DUSP4: variants seen among roughly 807,000 people sequenced by gnomAD.
DUSP4 encodes dual specificity phosphatase 4, also known as dual specificity protein phosphatase 4.
DUSP4 carries 12 observed loss-of-function variants against 27.2 expected under a neutral mutation model. The ratio of observed to expected loss-of-function variants is 0.44; its 90% CI spans 0.28 to 0.71. The LOEUF (loss-of-function observed/expected upper bound fraction) is 0.71. Ranked by LOEUF, DUSP4 falls within the 30% of genes least tolerant of loss-of-function variation. The probability of loss-of-function intolerance (pLI) is 0.14; values close to 1 mark genes in which losing one functional copy is unlikely to be tolerated. For synonymous variants in DUSP4, 257 were observed against 245.2 expected, an observed-to-expected ratio of 1.05 and a Z score of -0.45; for missense variants, 448 against 551.3, an observed-to-expected ratio of 0.81 and a Z score of 1.88.
At position 29,349,874 on chromosome 8, in the gene DUSP4, G is replaced by A. The variant is rs781516642; in HGVS notation, c.405C>T (p.Ala135=). ...SLVVQALRRN[A]ERTDICLLKG... Reference sequence around the variant, plus strand: ...TGAGCAGGCAGATGTCGGTGCGCTCGGCGTTGCGGCGCAGCGCCTGCACCA... The same window carrying A: ...TGAGCAGGCAGATGTCGGTGCGCTCAGCGTTGCGGCGCAGCGCCTGCACCA... The change falls in exon 1 of 4, where the codon GCC becomes GCT. Residue 135 remains alanine (A), a synonymous_variant. Transcript: ENST00000240100. 6.0e-6 allele frequency: 9 copies of A among 1,510,040 alleles called. No individual in the cohort carries two copies. The highest frequency in any genetic ancestry group is 7.0e-6 in the Non-Finnish European group (8 of 1,135,522). The allele number at this position is 1,510,040 out of a possible 1,614,324, so 93.5% of individuals were successfully genotyped here. A position where few individuals can be genotyped will look rare whatever the true frequency, so the allele number is the denominator to read the frequency against.
Position 29,334,618 on chromosome 8 carries a change from A to G in DUSP4, c.*2408T>C, listed in dbSNP as rs567533322. 1 of 152,350 alleles carries G rather than the reference A, an allele frequency of 6.6e-6. No homozygotes were observed. Among genetic ancestry groups the G allele is most frequent in the Non-Finnish European group, 1.5e-5 (1 of 68,052 alleles). 9.4% of individuals were successfully genotyped at this position (152,350 alleles called of 1,614,324 possible). ...AGCAAACGTGTACTCGTTCTATAAAAATGGAATCTGTTCTGCAGGTTACCG... is the reference window on the plus strand; with the variant it reads ...AGCAAACGTGTACTCGTTCTATAAAGATGGAATCTGTTCTGCAGGTTACCG... On this transcript the variant is annotated 3_prime_UTR_variant, in exon 4 of 4. Transcript: ENST00000240100.
intron 1 of DUSP4, chr8:29,348,873 G>A (rs1022261349): frequency 9.3e-6 from 8 of 859,066 alleles, no homozygotes; most frequent in South Asian, 5.3e-5. Context: ...GCGGGAGGCG[G>A]AGGCGCAGCG....
Position 29,346,143 on chromosome 8 carries a change from C to G in DUSP4, c.433+3703G>C, listed in dbSNP as rs144245092. 4.4e-6 allele frequency: 4 copies of G among 913,756 alleles called. No individual in the cohort carries two copies. In the East Asian group the frequency reaches 3.6e-4, roughly 81 times the overall value. The allele number at this position is 913,756 out of a possible 1,614,324, so 56.6% of individuals were successfully genotyped here. A position where few individuals can be genotyped will look rare whatever the true frequency, so the allele number is the denominator to read the frequency against. On this transcript the variant is annotated intron_variant, in intron 1 of 3. Transcript: ENST00000240100. ...GCTGTTAATTGTGTTCCTCTCCCCC[C>G]ACATTCATCAGTGGCCTTAGTGACT...
intron 2 of DUSP4, 93 bp downstream of exon 2, chr8:29,340,005 C>G: frequency 6.8e-7 from 1 of 1,466,812 alleles, no homozygotes; most frequent in Non-Finnish European, 9.1e-7. Flanking sequence ...AAAGCAAAGA[C>G]AAAAAACACC....
In DUSP4 at chr8:29,336,804, G is replaced by A; in HGVS notation, c.*222C>T. 1.8e-6 allele frequency: 1 copy of A among 554,504 alleles called. No individual in the cohort carries two copies. Among genetic ancestry groups the A allele is most frequent in the Non-Finnish European group, 2.9e-6 (1 of 343,022 alleles). 34.3% of individuals were successfully genotyped at this position (554,504 alleles called of 1,614,324 possible). A position where few individuals can be genotyped will look rare whatever the true frequency, so the allele number is the denominator to read the frequency against. On this transcript the variant is annotated 3_prime_UTR_variant, in exon 4 of 4. Coordinates refer to ENST00000240100, the MANE Select transcript of DUSP4 (RefSeq NM_001394.7). Reference sequence around the variant, plus strand: ...AACCAAGGTCTTCCCTGGCTGCTGCGGCAGCCGTTATTGCTCTAAGTTGGA... The same window carrying A: ...AACCAAGGTCTTCCCTGGCTGCTGCAGCAGCCGTTATTGCTCTAAGTTGGA...
chr8:29,347,598 C>A (rs1817753844), intron 1 of DUSP4, among the ~76,000 whole-genome samples: 1 of 152,224 alleles, frequency 6.6e-6, no homozygotes, highest in Non-Finnish European at 1.5e-5. Flanking sequence ...GAGACCGAAG[C>A]TAAATCTGTG....
chr8:29,339,970 T>C, intron 2 of DUSP4, 128 bp downstream of exon 2: 3 of 1,287,628 alleles, frequency 2.3e-6, no homozygotes, highest in Non-Finnish European at 3.1e-6. Context: ...ACTGCACTCC[T>C]GGGTGACAGA....
chr8:29,335,329 T>G lies in DUSP4; in HGVS notation c.*1697A>C, dbSNP rs567564440. 9 of 151,464 alleles carry G rather than the reference T, an allele frequency of 5.9e-5. No homozygotes were observed. The South Asian group carries it at 1.3e-3, about 21-fold the overall frequency. The allele number at this position is 151,464 out of a possible 1,614,324, so 9.4% of individuals were successfully genotyped here. On this transcript the variant is annotated 3_prime_UTR_variant, in exon 4 of 4. Transcript: ENST00000240100. ...CCGACGATAGATTCAAAATGGCGCC[T>G]GCGTGCCCATGACGCACGTCACGGG...
rs2117281146 is a variant in DUSP4 at position 29,350,680 on chromosome 8, G to A, written c.-402C>T. On this transcript the variant is annotated 5_prime_UTR_variant, in exon 1 of 4. Coordinates refer to ENST00000240100, the MANE Select transcript of DUSP4 (RefSeq NM_001394.7). ...CTCCGGCGCTCAGCGCACTGCCCCA[G>A]CCAGAGTTTTCTCCTCGGCTTAGAG... 5.1e-6 allele frequency: 1 copy of A among 194,372 alleles called. No individual in the cohort carries two copies. Among genetic ancestry groups the A allele is most frequent in the South Asian group, 1.5e-4 (1 of 6,834 alleles). The allele number at this position is 194,372 out of a possible 1,614,324, so 12.0% of individuals were successfully genotyped here.
At chr8:29,339,850 A>G (rs1405330040) in intron 2 of DUSP4, among the ~76,000 whole-genome samples, 1 of 122,896 alleles carries the variant, frequency 8.1e-6, no homozygotes, top group Non-Finnish European at 1.7e-5. Context: ...CATCTCTACC[A>G]AAAACCTTTT....
At chr8:29,347,001 A>T (rs1184664726) in intron 1 of DUSP4, among the ~76,000 whole-genome samples, 1 of 152,226 alleles carries the variant, frequency 6.6e-6, no homozygotes, top group Admixed American at 6.5e-5. Context: ...TGCTTTACAG[A>T]CACGCACAGG....
intron 1 of DUSP4, among the ~76,000 whole-genome samples, chr8:29,349,084 G>A (rs1027224631): frequency 6.6e-6 from 1 of 152,206 alleles, no homozygotes; most frequent in Admixed American, 6.5e-5. Flanking sequence ...CTAAAATCCG[G>A]CACGCGCCGC....
chr8:29,349,118 C>G (rs919801685), intron 1 of DUSP4, among the ~76,000 whole-genome samples: 3 of 152,236 alleles, frequency 2.0e-5, no homozygotes, highest in African/African-American at 7.2e-5. Flanking sequence ...AAAATCCGGG[C>G]TGAACAAAAG....
At position 29,350,585 on chromosome 8, in the gene DUSP4, C is replaced by T. The variant is rs1817809370; in HGVS notation, c.-307G>A. ...GACCGCGGACTCTTTTCGGCGACGG[C>T]CTCCCGTGTATTTTTGCCGGTCGCG... On this transcript the variant is annotated 5_prime_UTR_variant, in exon 1 of 4. Transcript: ENST00000240100. 2.9e-6 allele frequency: 1 copy of T among 347,116 alleles called. No individual in the cohort carries two copies. The highest frequency in any genetic ancestry group is 5.2e-5 in the East Asian group (1 of 19,308). The allele number at this position is 347,116 out of a possible 1,614,324, so 21.5% of individuals were successfully genotyped here.
At position 29,336,108 on chromosome 8, in the gene DUSP4, A is replaced by G. The variant is rs996892356; in HGVS notation, c.*918T>C. 3 of 152,116 alleles carry G rather than the reference A, an allele frequency of 2.0e-5. No homozygotes were observed. Among genetic ancestry groups the G allele is most frequent in the Non-Finnish European group, 4.4e-5 (3 of 68,026 alleles). 9.4% of individuals were successfully genotyped at this position (152,116 alleles called of 1,614,324 possible). A position where few individuals can be genotyped will look rare whatever the true frequency, so the allele number is the denominator to read the frequency against. On this transcript the variant is annotated 3_prime_UTR_variant, in exon 4 of 4. Transcript: ENST00000240100. ...TTTTTCTTTTCTTTTTTTTTAAAAA[A>G]GCAATTCAAACCTAATTCTTCCCTT...
chr8:29,336,924 G>C lies in DUSP4; in HGVS notation c.*102C>G, dbSNP rs55882088. 1.4e-6 allele frequency: 2 copies of C among 1,423,510 alleles called. No homozygotes were observed. The highest frequency in any genetic ancestry group is 1.8e-6 in the Non-Finnish European group (2 of 1,086,076). The allele number at this position is 1,423,510 out of a possible 1,614,324, so 88.2% of individuals were successfully genotyped here. On this transcript the variant is annotated 3_prime_UTR_variant, in exon 4 of 4. Coordinates refer to ENST00000240100, the MANE Select transcript of DUSP4 (RefSeq NM_001394.7). ...AGGAGAAATGATGGGGAAGGAGCTCGGTCGCCTGCTCCCAGCTGCTCAGTC... is the reference window on the plus strand; with the variant it reads ...AGGAGAAATGATGGGGAAGGAGCTCCGTCGCCTGCTCCCAGCTGCTCAGTC...
intron 1 of DUSP4, among the ~76,000 whole-genome samples, chr8:29,349,310 TAC>T (rs1432082278): frequency 3.3e-5 from 5 of 152,384 alleles, no homozygotes; most frequent in African/African-American, 1.2e-4. Flanking sequence ...CAGATCGCTC[TAC>T]ACAGTGTGTG....
At chr8:29,344,831 C>CTT (rs1207397990) in intron 1 of DUSP4, among the ~76,000 whole-genome samples, 4 of 144,826 alleles carry the variant, frequency 2.8e-5, no homozygotes, top group Non-Finnish European at 4.6e-5. Flanking sequence ...GGTCATGGAT[C>CTT]TTTTTTTTTT....
intron 1 of DUSP4, chr8:29,348,715 G>A (rs1309267371): frequency 1.0e-6 from 1 of 985,492 alleles, no homozygotes; most frequent in Non-Finnish European, 1.2e-6. Flanking sequence ...GTCGGAAGAG[G>A]AGCGGAAAGG....
Sources: allele counts gnomAD v4.1 joint callset (sites outside exome capture counted in the v4.1 genomes callset), GRCh38; gene constraint gnomAD v4.1.1; transcripts MANE v1.5; gene names NCBI Gene and HGNC (gene_info 2026-07-23, HGNC 2026-07-21).